The following ZNF804B variants were observed in gnomAD, a reference collection of about 807,000 sequenced individuals.
ZNF804B encodes the protein zinc finger protein 804B, also known as zinc finger 804B.
Under a neutral mutation model 101.4 loss-of-function variants are expected in ZNF804B, and 80 were observed. The ratio of observed to expected loss-of-function variants is 0.79; its 90% CI spans 0.66 to 0.95. The LOEUF is 0.95. Ranked by LOEUF, ZNF804B falls within the 40% of genes least tolerant of loss-of-function variation. The pLI, the probability that ZNF804B is intolerant of heterozygous loss-of-function variation, is 0.00. For synonymous variants in ZNF804B, 622 were observed against 558.8 expected, an observed-to-expected ratio of 1.11 and a Z score of -1.59; for missense variants, 1,673 against 1,561.9, an observed-to-expected ratio of 1.07 and a Z score of -1.20.
chr7:89,273,825 A>G lies in ZNF804B; in HGVS notation c.250-53519A>G, dbSNP rs141465582. On this transcript the variant is annotated intron_variant, in intron 2 of 3. Transcript: ENST00000333190. Reference sequence around the variant, plus strand: ...GCCATCAGCATTTCCAATAAACAAAACAAGGCTTTGGCATTTCTCTAAATA... The same window carrying G: ...GCCATCAGCATTTCCAATAAACAAAGCAAGGCTTTGGCATTTCTCTAAATA... 2.6e-3 allele frequency among the ~76,000 whole-genome samples: 391 copies of G among 152,312 alleles called. 2 individuals are homozygous for G. The highest frequency in any genetic ancestry group is 9.1e-3 in the African/African-American group (380 of 41,582).
At chr7:89,220,457 AAATTTCAAACGT>A (rs1277336172) in intron 2 of ZNF804B, among the ~76,000 whole-genome samples, 2 of 151,824 alleles carry the variant, frequency 1.3e-5, no homozygotes, top group Non-Finnish European at 2.9e-5. Context: ...TGAAAATGAA[AAATTTCAAACGT>A]ATATAAATGT....
At chr7:88,931,498 G>T (rs1792884806) in intron 1 of ZNF804B, among the ~76,000 whole-genome samples, 1 of 151,844 alleles carries the variant, frequency 6.6e-6, no homozygotes, top group Admixed American at 6.6e-5. Flanking sequence ...TAAGTTTTAT[G>T]AATCTTTAAA....
At chr7:88,795,067 A>G (rs917403371) in intron 1 of ZNF804B, 3 of 819,684 alleles carry the variant, frequency 3.7e-6, no homozygotes, top group Non-Finnish European at 5.5e-6. Flanking sequence ...AAAAAAGAGT[A>G]AATCACGGTT....
intron 2 of ZNF804B, among the ~76,000 whole-genome samples, chr7:89,248,390 TCAGGCTAA>T (rs1789484165): frequency 6.7e-6 from 1 of 149,214 alleles, no homozygotes; most frequent in African/African-American, 2.5e-5. Flanking sequence ...GGGAACACTA[TCAGGCTAA>T]CAGTGAGAGT....
chr7:88,955,272 AG>A (rs1461466002), intron 1 of ZNF804B, among the ~76,000 whole-genome samples: 1 of 151,612 alleles, frequency 6.6e-6, no homozygotes, highest in Non-Finnish European at 1.5e-5. Flanking sequence ...CATATAAACA[AG>A]TATGTTGCTT....
chr7:89,044,181 C>A (rs1584092033), intron 1 of ZNF804B, among the ~76,000 whole-genome samples: 1 of 152,228 alleles, frequency 6.6e-6, no homozygotes, highest in Middle Eastern at 3.4e-3. Flanking sequence ...CTCATGAGAT[C>A]TGATGGTTTT....
intron 1 of ZNF804B, among the ~76,000 whole-genome samples, chr7:88,865,839 C>T (rs10216003): frequency 0.034 from 5,129 of 152,314 alleles, 305 homozygotes; most frequent in African/African-American, 0.12. Context: ...ATCTATGCCA[C>T]TTGCTGACCC....
chr7:88,804,258 G>T (rs995925004), intron 1 of ZNF804B, among the ~76,000 whole-genome samples: 8 of 152,118 alleles, frequency 5.3e-5, no homozygotes, highest in African/African-American at 1.9e-4. Context: ...AACTATAGAG[G>T]AGGAAGATAG....
At chr7:89,296,613 A>C (rs1790388128) in intron 2 of ZNF804B, among the ~76,000 whole-genome samples, 1 of 152,098 alleles carries the variant, frequency 6.6e-6, no homozygotes, top group Non-Finnish European at 1.5e-5. Context: ...AGGAGATCTC[A>C]GCGTCCTAAA....
chr7:89,332,182 A>G (rs1790995760), intron 3 of ZNF804B, among the ~76,000 whole-genome samples: 1 of 151,764 alleles, frequency 6.6e-6, no homozygotes, highest in South Asian at 2.1e-4. Context: ...TCTAGAGACA[A>G]TGAAGCAAAG....
At chr7:89,282,849 T>C (rs543037893) in intron 2 of ZNF804B, among the ~76,000 whole-genome samples, 1 of 151,674 alleles carries the variant, frequency 6.6e-6, no homozygotes, top group Non-Finnish European at 1.5e-5. Flanking sequence ...AGACCCAGAG[T>C]TTCCCCTAGA....
chr7:88,807,424 A>T (rs1368046848), intron 1 of ZNF804B, among the ~76,000 whole-genome samples: 1 of 152,232 alleles, frequency 6.6e-6, no homozygotes, highest in African/African-American at 2.4e-5. Flanking sequence ...CATACAGAAG[A>T]GCTAGATTAA....
chr7:88,832,076 G>A (rs1288803498), intron 1 of ZNF804B, among the ~76,000 whole-genome samples: 1 of 150,976 alleles, frequency 6.6e-6, no homozygotes, highest in East Asian at 1.9e-4. Context: ...ATAAATATTA[G>A]GGGGAGCTCT....
intron 1 of ZNF804B, among the ~76,000 whole-genome samples, chr7:88,893,767 C>G (rs1450993069): frequency 6.6e-6 from 1 of 152,060 alleles, no homozygotes; most frequent in Non-Finnish European, 1.5e-5. Flanking sequence ...CAATAGCTTC[C>G]AATAACTTTA....
At chr7:88,871,599 T>C (rs1399056489) in intron 1 of ZNF804B, among the ~76,000 whole-genome samples, 1 of 152,030 alleles carries the variant, frequency 6.6e-6, no homozygotes, top group Non-Finnish European at 1.5e-5. Flanking sequence ...AAACATAAAA[T>C]ATATATTTAA....
At chr7:88,796,918 T>G (rs1790495381) in intron 1 of ZNF804B, among the ~76,000 whole-genome samples, 1 of 152,104 alleles carries the variant, frequency 6.6e-6, no homozygotes, top group Admixed American at 6.6e-5. Flanking sequence ...TAATTGGGGT[T>G]GAGAAAGAAG....
At chr7:88,815,012 A>G (rs1478218918) in intron 1 of ZNF804B, among the ~76,000 whole-genome samples, 3 of 149,678 alleles carry the variant, frequency 2.0e-5, no homozygotes, top group Non-Finnish European at 4.4e-5. Flanking sequence ...TAAAAATAAT[A>G]TATATATTCT....
intron 2 of ZNF804B, among the ~76,000 whole-genome samples, chr7:89,290,896 A>T (rs113034561): frequency 0.019 from 2,963 of 152,248 alleles, 81 homozygotes; most frequent in African/African-American, 0.067. Context: ...CCACAGGGGT[A>T]CTACAGTCAC....
At chr7:88,856,304 C>T (rs1791558396) in intron 1 of ZNF804B, among the ~76,000 whole-genome samples, 1 of 151,980 alleles carries the variant, frequency 6.6e-6, no homozygotes, top group South Asian at 2.1e-4. Flanking sequence ...TGTAGTTCTC[C>T]TTGAAGAGGT....
Sources: allele counts gnomAD v4.1 joint callset (sites outside exome capture counted in the v4.1 genomes callset), GRCh38; gene constraint gnomAD v4.1.1; transcripts MANE v1.5; gene names NCBI Gene and HGNC (gene_info 2026-07-23, HGNC 2026-07-21).